TMEM208: variants seen among roughly 807,000 people sequenced by gnomAD.
TMEM208 encodes transmembrane protein 208.
TMEM208 carries 19 observed loss-of-function variants against 26.4 expected under a neutral mutation model. The observed-to-expected ratio is 0.72, with a 90% CI of 0.50 to 1.06. TMEM208 has a LOEUF of 1.06. Among genes scored for constraint, TMEM208 ranks in the 50% least tolerant of loss-of-function variants. The pLI is 0.00. For synonymous variants in TMEM208, 93 were observed against 83.1 expected, an observed-to-expected ratio of 1.12 and a Z score of -0.65; for missense variants, 183 against 219.8, an observed-to-expected ratio of 0.83 and a Z score of 1.06.
intron 2 of TMEM208, 125 bp downstream of exon 2, chr16:67,228,056 A>G: frequency 1.3e-6 from 1 of 765,326 alleles, no homozygotes; most frequent in East Asian, 2.7e-5. Flanking sequence ...AAAAGAAATG[A>G]GAGATCTGGG....
At position 67,227,827 on chromosome 16, in the gene TMEM208, C is replaced by G. The variant is rs751919286; in HGVS notation, c.7-9C>G. 1 of 1,599,786 alleles carries G rather than the reference C, an allele frequency of 6.3e-7. No individual in the cohort carries two copies. The highest frequency in any genetic ancestry group is 1.1e-5 in the South Asian group (1 of 88,548). On this transcript the variant is annotated splice_polypyrimidine_tract_variant and intron_variant, in intron 1 of 5. Coordinates refer to ENST00000304800, the MANE Select transcript of TMEM208 (RefSeq NM_014187.4). ...GGCCTCCTGACGGCATCTCATCATT[C>G]CTCTGCAGCCCAAGGGCAAAGTGGG...
At position 67,228,543 on chromosome 16, in the gene TMEM208, A is replaced by G. The variant is rs746608844; in HGVS notation, c.211A>G (p.Met71Val). The change falls in exon 4 of 6, where the codon ATG becomes GTG. Residue 71 changes from methionine (M) to valine (V), a missense_variant. By Grantham distance (21) the Met-to-Val change is conservative. Transcript: ENST00000304800. ...AGTGTATGGGGCCAGCTACCACTCT[A>G]TGAGCTCGATGGCACGAGCAGCGTT... ...LAVYGASYHSMSSMARAAFSE... is the reference protein window; with the variant it reads ...LAVYGASYHSVSSMARAAFSE... 6.2e-6 allele frequency: 10 copies of G among 1,611,520 alleles called. No homozygotes were observed. The highest frequency in any genetic ancestry group is 5.5e-5 in the South Asian group (5 of 90,996).
In TMEM208 at chr16:67,228,550, C is replaced by T. The variant is rs771224504; in HGVS notation, c.218C>T (p.Ser73Leu). 1.2e-5 allele frequency: 20 copies of T among 1,610,654 alleles called. No homozygotes were observed. The highest frequency in any genetic ancestry group is 1.7e-4 in the Middle Eastern group (1 of 6,046). ...VYGASYHSMSSMARAAFSEDG... is the reference protein window; with the variant it reads ...VYGASYHSMSLMARAAFSEDG... ...GGGGCCAGCTACCACTCTATGAGCT[C>T]GATGGCACGAGCAGCGTTCTCTGAG... The change falls in exon 4 of 6, where the codon TCG (serine) becomes TTG (leucine). Residue 73 changes from serine to leucine, a missense_variant. Transcript: ENST00000304800.
rs1597308921 is a variant in TMEM208, at chr16:67,227,865, G to A, written c.36G>A (p.Lys12=). Residue 12 remains lysine, a synonymous_variant, in exon 2 of 6, where the codon AAG becomes AAA. Coordinates refer to ENST00000304800, the MANE Select transcript of TMEM208 (RefSeq NM_014187.4). ...APKGKVGTRG[K]KQIFEENRET... Reference sequence around the variant, plus strand: ...AGGGCAAAGTGGGCACGAGAGGGAAGAAGCAGATATTTGAAGAGAACAGAG... The same window carrying A: ...AGGGCAAAGTGGGCACGAGAGGGAAAAAGCAGATATTTGAAGAGAACAGAG... 4 of 1,611,448 alleles carry A rather than the reference G, an allele frequency of 2.5e-6. No homozygotes were observed. Among genetic ancestry groups the A allele is most frequent in the Non-Finnish European group, 3.4e-6 (4 of 1,178,782 alleles).
In TMEM208 at chr16:67,229,254, C is replaced by T. The variant is rs1193401873; in HGVS notation, c.*141C>T. 9 of 849,878 alleles carry T rather than the reference C, an allele frequency of 1.1e-5. No individual in the cohort carries two copies. The highest frequency in any genetic ancestry group is 8.1e-5 in the East Asian group (3 of 37,248). The allele number at this position is 849,878 out of a possible 1,614,324, so 52.6% of individuals were successfully genotyped here. A position where few individuals can be genotyped will look rare whatever the true frequency, so the allele number is the denominator to read the frequency against. Reference sequence around the variant, plus strand: ...TGGGTATACTTATACTCTATAGGGTCGTTGAATAAATGGCTTAGAATGTGG... The same window carrying T: ...TGGGTATACTTATACTCTATAGGGTTGTTGAATAAATGGCTTAGAATGTGG... On this transcript the variant is annotated 3_prime_UTR_variant, in exon 6 of 6. Transcript: ENST00000304800.
chr16:67,228,309 T>G (rs768148048), intron 2 of TMEM208, 46 bp from the exon 3 acceptor site: 2 of 1,605,032 alleles, frequency 1.2e-6, no homozygotes, highest in Admixed American at 3.3e-5. Context: ...GACCCATGGT[T>G]TGGAGGTAAC....
rs780524297 is a variant in TMEM208 at position 67,228,859 on chromosome 16, A to C, written c.362A>C (p.Tyr121Ser). The C allele has an allele frequency of 6.1e-5, 98 of 1,613,654 alleles. No individual in the cohort carries two copies. The highest frequency in any genetic ancestry group is 3.3e-4 in the East Asian group (15 of 44,878). ...CAGGTGCTCAGCTGCTTCTCTCTCT[A>C]TGTCTGGTCCTTCTGGCTTCTGGTA... Reference protein sequence around the residue: ...IVQVLSCFSLYVWSFWLLAPG... With the variant: ...IVQVLSCFSLSVWSFWLLAPG... The change falls in exon 5 of 6, where the codon TAT becomes TCT. Residue 121 changes from tyrosine to serine, a missense_variant. Coordinates refer to ENST00000304800, the MANE Select transcript of TMEM208 (RefSeq NM_014187.4).
chr16:67,228,221 A>C, intron 2 of TMEM208, 134 bp from the exon 3 acceptor site: 13 of 961,342 alleles, frequency 1.4e-5, no homozygotes, highest in Non-Finnish European at 2.0e-5. Context: ...TTCAGGGAGC[A>C]GGGCCCTTTC....
chr16:67,228,201 G>A, intron 2 of TMEM208, 154 bp from the exon 3 acceptor site: 3 of 830,584 alleles, frequency 3.6e-6, no homozygotes, highest in Admixed American at 2.1e-5. Flanking sequence ...AGGAGAGTGG[G>A]TATTTGGGAT....
At chr16:67,227,366 C>G (rs553854759) in intron 1 of TMEM208, 142 bp downstream of exon 1, 98 of 1,261,340 alleles carry the variant, frequency 7.8e-5, no homozygotes, top group South Asian at 2.0e-4. Flanking sequence ...TAGAGCTGGG[C>G]TGGGGGGATG....
In TMEM208 at chr16:67,229,115, C is replaced by T. The variant is rs1187961029; in HGVS notation, c.*2C>T. On this transcript the variant is annotated 3_prime_UTR_variant, in exon 6 of 6. Transcript: ENST00000304800. ...CGGCGGCAGATGAAGCGGTTATAGCCATTGACATTGTGGCCACAGGCCACT... is the reference window on the plus strand; with the variant it reads ...CGGCGGCAGATGAAGCGGTTATAGCTATTGACATTGTGGCCACAGGCCACT... 6.3e-7 allele frequency: 1 copy of T among 1,592,582 alleles called. No homozygotes were observed. The highest frequency in any genetic ancestry group is 1.1e-5 in the South Asian group (1 of 88,246).
chr16:67,228,617 G>T lies in TMEM208; in HGVS notation c.285G>T (p.Glu95Asp). Residue 95 changes from glutamate to aspartate, a missense_variant, in exon 4 of 6, where the codon GAG becomes GAT. Glu to Asp is a conservative substitution (Grantham distance 45). Coordinates refer to ENST00000304800, the MANE Select transcript of TMEM208 (RefSeq NM_014187.4). Reference sequence around the variant, plus strand: ...ATGGTGGCATGGACCTCAACATGGAGCAGGGCATGGCAGAGTGAGTGTCCC... The same window carrying T: ...ATGGTGGCATGGACCTCAACATGGATCAGGGCATGGCAGAGTGAGTGTCCC... ...LMDGGMDLNMEQGMAEHLKDV... is the reference protein window; with the variant it reads ...LMDGGMDLNMDQGMAEHLKDV... 6.4e-7 allele frequency: 1 copy of T among 1,569,886 alleles called. No homozygotes were observed. Among genetic ancestry groups the T allele is most frequent in the Non-Finnish European group, 8.7e-7 (1 of 1,155,714 alleles).
In TMEM208 at chr16:67,228,748, G is replaced by C. The variant is rs1267038657; in HGVS notation, c.300-49G>C. On this transcript the variant is annotated intron_variant, in intron 4 of 5. Coordinates refer to ENST00000304800, the MANE Select transcript of TMEM208 (RefSeq NM_014187.4). ...GTGGAAGGGAGTTGCAACTTGAAAA[G>C]GGTGGAAGGGCCCATATGCTGTCTT... 3.2e-6 allele frequency: 5 copies of C among 1,580,900 alleles called. No homozygotes were observed. In the East Asian group the frequency reaches 1.1e-4, roughly 36 times the overall value.
intron 1 of TMEM208, 40 bp downstream of exon 1, chr16:67,227,264 C>T: frequency 6.2e-7 from 1 of 1,604,850 alleles, no homozygotes; most frequent in Non-Finnish European, 8.5e-7. Context: ...ACCAGCAAAG[C>T]TCTCCAGGGG....
In TMEM208 at chr16:67,228,236, AC is replaced by A. The variant is rs2034100935; in HGVS notation, c.103-116del. The A allele has an allele frequency of 5.7e-5, 66 of 1,167,892 alleles. No homozygotes were observed. The South Asian group carries it at 7.9e-4, about 14-fold the overall frequency. The allele number at this position is 1,167,892 out of a possible 1,614,324, so 72.3% of individuals were successfully genotyped here. A position where few individuals can be genotyped will look rare whatever the true frequency, so the allele number is the denominator to read the frequency against. ...TTCAGGGAGCAGGGCCCTTTCTTCA[AC>A]CCTGTAAGAACAACCTTGCTCCTCC... On this transcript the variant is annotated intron_variant, in intron 2 of 5. Coordinates refer to ENST00000304800, the MANE Select transcript of TMEM208 (RefSeq NM_014187.4).
Position 67,227,924 on chromosome 16 carries a change from G to A in TMEM208, c.95G>A (p.Gly32Glu). The change falls in exon 2 of 6, where the codon GGG becomes GAG. Residue 32 changes from glycine to glutamate, a missense_variant. Transcript: ENST00000304800. The stretch of plus-strand genomic sequence containing the variant: ...AAGTTCTACCTGCGGATCATACTGG[G>A]GGCCAATGTAAGTGCCTACCTCCTT... ...TLKFYLRIIL[G>E]ANAIYCLVTL... 1 of 1,608,224 alleles carries A rather than the reference G, an allele frequency of 6.2e-7. No homozygotes were observed. Among genetic ancestry groups the A allele is most frequent in the Non-Finnish European group, 8.5e-7 (1 of 1,177,164 alleles).
intron 2 of TMEM208, 183 bp from the exon 3 acceptor site, chr16:67,228,172 G>T (rs1369294873): frequency 5.7e-6 from 4 of 707,476 alleles, no homozygotes; most frequent in South Asian, 5.3e-5. Context: ...CTTCTTTCCT[G>T]GGCTGAGTTG....
intron 1 of TMEM208, 144 bp downstream of exon 1, chr16:67,227,368 G>C: frequency 8.0e-7 from 1 of 1,246,060 alleles, no homozygotes; most frequent in Non-Finnish European, 1.1e-6. Flanking sequence ...GAGCTGGGCT[G>C]GGGGGATGGC....
At chr16:67,227,474 A>C in intron 1 of TMEM208, 1 of 577,086 alleles carries the variant, frequency 1.7e-6, no homozygotes, top group Non-Finnish European at 3.0e-6. Context: ...GGGTTAACCC[A>C]GATCGGGACT....
Sources: allele counts gnomAD v4.1 joint callset, GRCh38; gene constraint gnomAD v4.1.1; transcripts MANE v1.5; gene names NCBI Gene and HGNC (gene_info 2026-07-23, HGNC 2026-07-21).